Variants in FHIT observed in about 807,000 individuals in gnomAD.
FHIT encodes the protein bis(5'-adenosyl)-triphosphatase.
FHIT carries 19 observed loss-of-function variants against 17.9 expected under a neutral mutation model. That is an observed-to-expected ratio of 1.06 (90% confidence interval 0.74 to 1.56). FHIT has a LOEUF of 1.56. FHIT is among the 40% of genes most tolerant of loss of function. FHIT has a pLI of 0.00. For synonymous variants in FHIT, 81 were observed against 69.7 expected (o/e 1.16, Z -0.81); for missense variants, 248 against 189.2 (o/e 1.31, Z -1.82).
intron 2 of FHIT, among the ~76,000 whole-genome samples, chr3:61,079,015 T>A (rs1268228084): frequency 3.3e-5 from 5 of 152,178 alleles, no homozygotes; most frequent in Non-Finnish European, 7.3e-5. Flanking sequence ...AAAAAAAAGA[T>A]GGTCACATTC....
intron 4 of FHIT, among the ~76,000 whole-genome samples, chr3:60,681,295 A>G (rs1735446): frequency 0.87 from 132,218 of 152,164 alleles, 58,125 homozygotes; most frequent in Non-Finnish European, 0.94. Flanking sequence ...AGTGTTATGG[A>G]GCCCAATATA....
chr3:59,956,375 G>C (rs1210047085), intron 7 of FHIT, among the ~76,000 whole-genome samples: 1 of 151,748 alleles, frequency 6.6e-6, no homozygotes, highest in African/African-American at 2.4e-5. Flanking sequence ...TGCCAAAAAA[G>C]AAAAAGAAAA....
intron 4 of FHIT, among the ~76,000 whole-genome samples, chr3:60,587,801 G>A (rs1553662666): frequency 1.3e-5 from 2 of 151,984 alleles, no homozygotes; most frequent in Non-Finnish European, 2.9e-5. Flanking sequence ...TTTATCCTCT[G>A]ACCATGGTAA....
At chr3:60,143,598 G>C (rs1700123675) in intron 5 of FHIT, among the ~76,000 whole-genome samples, 1 of 151,994 alleles carries the variant, frequency 6.6e-6, no homozygotes, top group South Asian at 2.1e-4. Context: ...TCAGAGTTTT[G>C]GGATAATTTG....
At position 59,935,108 on chromosome 3, in the gene FHIT, A is replaced by T. The variant is rs529670657; in HGVS notation, c.280-12694T>A. Among the ~76,000 whole-genome samples the T allele has an allele frequency of 1.8e-3, 276 of 152,270 alleles. 2 individuals are homozygous for T. Among genetic ancestry groups the T allele is most frequent in the African/African-American group, 6.3e-3 (263 of 41,548 alleles). ...ATTCCAAGATAGAGTCTTCCTGTTC[A>T]GTTAGACATGCAGGAGCTCAGAGGT... On this transcript the variant is annotated intron_variant, in intron 7 of 9. Coordinates refer to ENST00000492590, the MANE Select transcript of FHIT (RefSeq NM_002012.4).
intron 2 of FHIT, among the ~76,000 whole-genome samples, chr3:61,100,413 G>C (rs1307897402): frequency 6.6e-6 from 1 of 152,162 alleles, no homozygotes; most frequent in African/African-American, 2.4e-5. Context: ...TGGCTGCATA[G>C]TATTCCATGG....
rs576279138 is a variant in FHIT at position 60,895,753 on chromosome 3, T to C, written c.-110-73742A>G. On this transcript the variant is annotated intron_variant, in intron 3 of 9. Coordinates refer to ENST00000492590, the MANE Select transcript of FHIT (RefSeq NM_002012.4). The stretch of plus-strand genomic sequence containing the variant: ...TTCTTTCTTCTTTCTTTTGGTTATA[T>C]CTTACTCATTTGATTCTTAAGTGTC... 2.0e-5 allele frequency among the ~76,000 whole-genome samples: 3 copies of C among 149,914 alleles called. No individual in the cohort carries two copies. The South Asian group carries it at 6.4e-4, about 32-fold the overall frequency.
chr3:60,159,945 C>A (rs1209657930), intron 5 of FHIT, among the ~76,000 whole-genome samples: 1 of 152,156 alleles, frequency 6.6e-6, no homozygotes, highest in Non-Finnish European at 1.5e-5. Context: ...TTGCATGATA[C>A]TACACTGCCT....
intron 5 of FHIT, among the ~76,000 whole-genome samples, chr3:60,246,728 G>C (rs1424779474): frequency 6.6e-6 from 1 of 151,984 alleles, no homozygotes; most frequent in African/African-American, 2.4e-5. Flanking sequence ...CTTCAGCTTT[G>C]GTTGGAATTT....
At chr3:60,769,340 G>C (rs185162385) in intron 4 of FHIT, among the ~76,000 whole-genome samples, 10 of 152,204 alleles carry the variant, frequency 6.6e-5, no homozygotes, top group African/African-American at 2.4e-4. Flanking sequence ...GGGTCAAAGG[G>C]GAGAGGGGAG....
At chr3:60,565,472 T>C (rs2037100270) in intron 4 of FHIT, among the ~76,000 whole-genome samples, 1 of 152,184 alleles carries the variant, frequency 6.6e-6, no homozygotes, top group African/African-American at 2.4e-5. Context: ...ACTTCTATTC[T>C]TCACCGTTGG....
At chr3:60,206,149 A>AATAATAAT (rs1553712155) in intron 5 of FHIT, among the ~76,000 whole-genome samples, 17 of 94,136 alleles carry the variant, frequency 1.8e-4, no homozygotes, top group South Asian at 1.2e-3. Flanking sequence ...AAAAAAAAAT[A>AATAATAAT]AATAATAATA....
intron 2 of FHIT, among the ~76,000 whole-genome samples, chr3:61,104,231 T>C (rs2106863817): frequency 6.6e-6 from 1 of 152,330 alleles, no homozygotes; most frequent in South Asian, 2.1e-4. Context: ...TATTTAGTGC[T>C]TCCTTCAGGA....
chr3:60,709,727 T>C (rs1553704511), intron 4 of FHIT, among the ~76,000 whole-genome samples: 1 of 152,212 alleles, frequency 6.6e-6, no homozygotes, highest in East Asian at 1.9e-4. Flanking sequence ...TCTTTAAGTA[T>C]TGGGAAGCTG....
At chr3:59,906,277 G>A (rs2107111334) in intron 8 of FHIT, among the ~76,000 whole-genome samples, 1 of 152,280 alleles carries the variant, frequency 6.6e-6, no homozygotes, top group East Asian at 1.9e-4. Flanking sequence ...CATAAAATCA[G>A]TCTTTGTAAT....
chr3:60,788,329 G>A (rs1165860782), intron 4 of FHIT, among the ~76,000 whole-genome samples: 1 of 151,896 alleles, frequency 6.6e-6, no homozygotes, highest in Non-Finnish European at 1.5e-5. Flanking sequence ...AGGCTCTCAG[G>A]AACTCAACCC....
At chr3:60,644,574 T>C (rs2039809058) in intron 4 of FHIT, among the ~76,000 whole-genome samples, 2 of 152,230 alleles carry the variant, frequency 1.3e-5, no homozygotes. Flanking sequence ...GCATGATCCA[T>C]TGCATAAAAC....
intron 4 of FHIT, among the ~76,000 whole-genome samples, chr3:60,566,984 T>C (rs1339654470): frequency 6.8e-6 from 1 of 147,318 alleles, no homozygotes; most frequent in Non-Finnish European, 1.5e-5. Flanking sequence ...GGAAGAACAT[T>C]CCATGCTCAT....
At chr3:59,958,936 G>A (rs912862243) in intron 7 of FHIT, among the ~76,000 whole-genome samples, 22 of 152,092 alleles carry the variant, frequency 1.4e-4, no homozygotes, top group African/African-American at 9.7e-5. Context: ...ATCATGTGTC[G>A]CTTTGGTATA....
Sources: gnomAD v4.1 joint callset for allele counts (sites outside exome capture counted in the v4.1 genomes callset) on GRCh38, gnomAD v4.1.1 for gene constraint, MANE v1.5 for transcripts, NCBI Gene and HGNC (gene_info 2026-07-23, HGNC 2026-07-21) for gene names.